Variants in TENM2 observed in about 807,000 individuals in gnomAD.
TENM2 encodes the protein teneurin-2.
TENM2 carries 52 observed loss-of-function variants against 245.2 expected under a neutral mutation model. The ratio of observed to expected loss-of-function variants is 0.21; its 90% CI spans 0.17 to 0.27. The LOEUF (loss-of-function observed/expected upper bound fraction) is 0.27, where lower values mean the gene tolerates loss of function less well. Among genes scored for constraint, TENM2 ranks in the 10% least tolerant of loss-of-function variants. The pLI is 1.00. For synonymous variants in TENM2, 1,363 were observed against 1,438.9 expected (o/e 0.95, Z 1.19); for missense variants, 3,046 against 3,666.8 (o/e 0.83, Z 4.37).
At chr5:167,188,467 C>T in the TENM2 span, among the ~76,000 whole-genome samples, 1 of 152,126 alleles carries the variant, frequency 6.6e-6, no homozygotes. Context: ...CTCAAGTCTT[C>T]ATTAGTAAAT....
At chr5:167,766,241 A>G (rs560676837) in intron 2 of TENM2, among the ~76,000 whole-genome samples, 1 of 151,990 alleles carries the variant, frequency 6.6e-6, no homozygotes, top group African/African-American at 2.4e-5. Flanking sequence ...TGGCAAAGGA[A>G]TTAATATGTG....
chr5:167,820,050 G>T (rs2151031470), intron 2 of TENM2, among the ~76,000 whole-genome samples: 1 of 152,180 alleles, frequency 6.6e-6, no homozygotes, highest in South Asian at 2.1e-4. Context: ...GTCACGTGAA[G>T]GGCATTTCCC....
In TENM2 at chr5:168,244,714, A is replaced by G. The variant is rs765777380; in HGVS notation, c.5815A>G (p.Lys1939Glu). 3.9e-5 allele frequency: 56 copies of G among 1,440,990 alleles called. No individual in the cohort carries two copies. Among genetic ancestry groups the G allele is most frequent in the Non-Finnish European group, 5.0e-5 (54 of 1,087,314 alleles). The allele number at this position is 1,440,990 out of a possible 1,614,324, so 89.3% of individuals were successfully genotyped here. Residue 1939 changes from lysine (K) to glutamate (E), a missense_variant and splice_region_variant, in exon 26 of 29, where the codon AAG becomes GAG. Lys to Glu is a moderately conservative substitution (Grantham distance 56, BLOSUM62 1). Coordinates refer to ENST00000518659, the Ensembl canonical transcript of TENM2. The surrounding 1 kb of genome is among the most constrained non-coding windows in gnomAD (Gnocchi z 4.9). ...AGTGTGGAGCTACTCCTACCTTGAC[A>G]AGGTAGGTGAACATGCTGCCCTGAC...
rs77637212 is a variant in TENM2, at chr5:167,733,177, C to G, written c.503-142809C>G. ...CGGAGTTGATTGGTCACCTGCTACC[C>G]CTTCCCTTCTGTAACATCCACTAAC... On this transcript the variant is annotated intron_variant, in intron 2 of 28. Transcript: ENST00000518659. Among the ~76,000 whole-genome samples the G allele has an allele frequency of 8.1e-3, 1,238 of 152,210 alleles. 13 individuals are homozygous for G. Among genetic ancestry groups the G allele is most frequent in the Middle Eastern group, 0.027 (8 of 294 alleles).
At chr5:167,818,473 G>A (rs933929551) in intron 2 of TENM2, among the ~76,000 whole-genome samples, 2 of 152,294 alleles carry the variant, frequency 1.3e-5, no homozygotes, top group East Asian at 3.9e-4. Flanking sequence ...AGCTAACTAA[G>A]TACTTTACAT....
At chr5:168,093,832 G>A (rs1458079921) in intron 8 of TENM2, among the ~76,000 whole-genome samples, 1 of 152,126 alleles carries the variant, frequency 6.6e-6, no homozygotes, top group Non-Finnish European at 1.5e-5. Flanking sequence ...ATTGAAATGT[G>A]AGCTCCTTTA....
At chr5:167,022,335 C>A in the TENM2 span, among the ~76,000 whole-genome samples, 1 of 152,122 alleles carries the variant, frequency 6.6e-6, no homozygotes, top group South Asian at 2.1e-4. Flanking sequence ...ATCTAGCTTG[C>A]AAATATGTTT....
intron 2 of TENM2, among the ~76,000 whole-genome samples, chr5:167,439,981 A>T (rs1037877774): frequency 6.6e-6 from 1 of 152,196 alleles, no homozygotes; most frequent in Non-Finnish European, 1.5e-5. Flanking sequence ...ACTGTTGACC[A>T]TCTCTTGTAG....
At position 167,284,830 on chromosome 5, in the gene TENM2, C is replaced by A; in HGVS notation, c.-8C>A. ...TGAAAACATCAGCATTCTGCCATAT[C>A]TGGAATAATGGATGTAAAGGACCGG... On this transcript the variant is annotated 5_prime_UTR_variant, in exon 1 of 29. It adds an upstream start codon to the 5' untranslated region. Transcript: ENST00000518659. 6.5e-7 allele frequency: 1 copy of A among 1,547,200 alleles called. No homozygotes were observed. The highest frequency in any genetic ancestry group is 1.2e-5 in the South Asian group (1 of 83,894).
At chr5:167,606,946 T>C (rs137992824) in intron 2 of TENM2, among the ~76,000 whole-genome samples, 1 of 152,204 alleles carries the variant, frequency 6.6e-6, no homozygotes, top group Admixed American at 6.5e-5. Flanking sequence ...AAGATTTATA[T>C]ATCAGCGCTT....
At chr5:167,723,385 C>T (rs1287665633) in intron 2 of TENM2, among the ~76,000 whole-genome samples, 1 of 152,242 alleles carries the variant, frequency 6.6e-6, no homozygotes, top group Non-Finnish European at 1.5e-5. Flanking sequence ...CTCCAGTCTC[C>T]CCACCCTTGC....
intron 9 of TENM2, among the ~76,000 whole-genome samples, chr5:168,109,496 A>G (rs1245795142): frequency 3.3e-5 from 5 of 152,194 alleles, no homozygotes; most frequent in Admixed American, 2.0e-4. Flanking sequence ...TTTTTGAACT[A>G]TGTTCTTACC....
chr5:167,633,290 C>T (rs1778988860), intron 2 of TENM2, among the ~76,000 whole-genome samples: 2 of 152,036 alleles, frequency 1.3e-5, no homozygotes, highest in Non-Finnish European at 2.9e-5. Context: ...AAGGAGTTTA[C>T]ATTCCTTTCA....
At chr5:167,461,350 A>G (rs959314024) in intron 2 of TENM2, among the ~76,000 whole-genome samples, 1 of 152,180 alleles carries the variant, frequency 6.6e-6, no homozygotes, top group East Asian at 1.9e-4. Context: ...CCACATTATA[A>G]TTCATTCCTT....
intron 2 of TENM2, among the ~76,000 whole-genome samples, chr5:167,626,888 C>T (rs1778545302): frequency 6.6e-6 from 1 of 152,184 alleles, no homozygotes; most frequent in African/African-American, 2.4e-5. Context: ...GGGGCCGCCA[C>T]AGTGGTAAGC....
At chr5:168,180,327 C>G (rs1424317846) in intron 13 of TENM2, among the ~76,000 whole-genome samples, 1 of 152,202 alleles carries the variant, frequency 6.6e-6, no homozygotes, top group Non-Finnish European at 1.5e-5. Flanking sequence ...TAACGTGTAT[C>G]CATATATCAA....
At chr5:167,098,135 T>C in the TENM2 span, among the ~76,000 whole-genome samples, 1 of 152,250 alleles carries the variant, frequency 6.6e-6, no homozygotes, top group Non-Finnish European at 1.5e-5. Context: ...AGTTATCTTA[T>C]GCTGTTATTT....
At chr5:167,172,523 A>G in the TENM2 span, among the ~76,000 whole-genome samples, 5,136 of 152,126 alleles carry the variant, frequency 0.034, 298 homozygotes, top group African/African-American at 0.12. Context: ...ACTAGTCTTG[A>G]TGTTAAGACT....
At chr5:167,089,621 C>A in the TENM2 span, among the ~76,000 whole-genome samples, 255 of 151,682 alleles carry the variant, frequency 1.7e-3, no homozygotes, top group African/African-American at 5.7e-3. Flanking sequence ...TAAAACATAC[C>A]AAATTTAGGA....
Sources: gnomAD v4.1 joint callset for allele counts (sites outside exome capture counted in the v4.1 genomes callset) on GRCh38, gnomAD v4.1.1 for gene constraint, Gnocchi (gnomAD v3.1) non-coding constraint, MANE v1.5 for transcripts, NCBI Gene and HGNC (gene_info 2026-07-23, HGNC 2026-07-21) for gene names.